Variants in GRIN2B observed in about 807,000 individuals in gnomAD.
GRIN2B encodes the protein glutamate receptor ionotropic, NMDA 2B.
In GRIN2B, 5 loss-of-function variants were observed where a neutral mutation model predicts 114.5. That is an observed-to-expected ratio of 0.04 (90% CI 0.02 to 0.09). The LOEUF (loss-of-function observed/expected upper bound fraction) is 0.09. GRIN2B is among the 10% of genes least tolerant of loss of function. The pLI, the probability that GRIN2B is intolerant of heterozygous loss-of-function variation, is 1.00. For missense variants in GRIN2B, 1,108 were observed against 1,943.5 expected, an observed-to-expected ratio of 0.57 and a Z score of 8.08; for synonymous variants, 787 against 745.1, an observed-to-expected ratio of 1.06 and a Z score of -0.92.
intron 4 of GRIN2B, among the ~76,000 whole-genome samples, chr12:13,718,623 A>G (rs1950480059): frequency 6.6e-6 from 1 of 151,980 alleles, no homozygotes. Context: ...TAAATAAGAG[A>G]AACTATAATG....
chr12:13,652,355 G>A (rs946160791), intron 5 of GRIN2B, among the ~76,000 whole-genome samples: 3 of 151,882 alleles, frequency 2.0e-5, no homozygotes, highest in African/African-American at 7.3e-5. Flanking sequence ...AAGTGTGTTG[G>A]TTAGTTTGGA....
At position 13,573,377 on chromosome 12, in the gene GRIN2B, G is replaced by A. The variant is rs541337117; in HGVS notation, c.2011-1413C>T. On this transcript the variant is annotated intron_variant, in intron 10 of 13. Coordinates refer to ENST00000609686, the MANE Select transcript of GRIN2B (RefSeq NM_000834.5). ...GAGGCAGGAGAATGGCATGAACCCA[G>A]GAGGCAGAGCAGGCAGTGAGCTGAG... 6.0e-5 allele frequency among the ~76,000 whole-genome samples: 9 copies of A among 149,344 alleles called. No individual in the cohort carries two copies. In the South Asian group the frequency reaches 1.9e-3, roughly 31 times the overall value.
chr12:13,753,057 T>C lies in GRIN2B; in HGVS notation c.1010+260A>G, dbSNP rs918174955. 6.6e-6 allele frequency among the ~76,000 whole-genome samples: 1 copy of C among 152,244 alleles called. No individual in the cohort carries two copies. Among genetic ancestry groups the C allele is most frequent in the Non-Finnish European group, 1.5e-5 (1 of 68,040 alleles). ...TTAAAACCTGACTTATAGAGTTATT[T>C]TGAGGATCAAATGAAACCAAACATG... On this transcript the variant is annotated intron_variant, in intron 4 of 13. Coordinates refer to ENST00000609686, the MANE Select transcript of GRIN2B (RefSeq NM_000834.5). The surrounding 1 kb of genome is among the most constrained non-coding windows in gnomAD (Gnocchi z 6.2).
At chr12:13,585,911 G>C (rs1341582615) in intron 10 of GRIN2B, among the ~76,000 whole-genome samples, 1 of 152,234 alleles carries the variant, frequency 6.6e-6, no homozygotes. Context: ...TCGACAGCAA[G>C]ATACGGCAGA....
intron 2 of GRIN2B, among the ~76,000 whole-genome samples, chr12:13,941,787 T>G (rs141680935): frequency 1.5e-3 from 222 of 152,324 alleles, no homozygotes; most frequent in Admixed American, 3.0e-3. Flanking sequence ...GTGCAAACCA[T>G]GGTAGCCGAA....
At chr12:13,711,445 T>A (rs1179154577) in intron 4 of GRIN2B, among the ~76,000 whole-genome samples, 1 of 152,064 alleles carries the variant, frequency 6.6e-6, no homozygotes, top group Non-Finnish European at 1.5e-5. Flanking sequence ...ACAGGCAACC[T>A]ACAGAATGGG....
chr12:13,866,051 G>C lies in GRIN2B; in HGVS notation c.158C>G (p.Ala53Gly), dbSNP rs1428095651. The C allele has an allele frequency of 1.2e-6, 2 of 1,613,940 alleles. No individual in the cohort carries two copies. Among genetic ancestry groups the C allele is most frequent in the South Asian group, 2.2e-5 (2 of 91,066 alleles). The change falls in exon 3 of 14, where the codon GCC becomes GGC. Residue 53 changes from alanine (A) to glycine (G), a missense_variant. Physicochemically the swap from Ala to Gly is moderately conservative, Grantham distance 60 (BLOSUM62 0). Around this residue, in one of 19 missense-constraint regions of GRIN2B, gnomAD observed 199 missense variants for 439.6 expected, o/e 0.45. Coordinates refer to ENST00000609686, the MANE Select transcript of GRIN2B (RefSeq NM_000834.5). ...ATGGTGGAAATCATCTTTCTCGTGG[G>C]CATCCTTGATGGCCACCTCGTCGGA... ...GTSDEVAIKD[A>G]HEKDDFHHLS... is the part of the protein sequence containing the mutation.
intron 5 of GRIN2B, among the ~76,000 whole-genome samples, chr12:13,647,127 C>A (rs1341684311): frequency 6.6e-6 from 1 of 152,036 alleles, no homozygotes; most frequent in East Asian, 1.9e-4. Context: ...TTTTGAGACC[C>A]TGAGTAGAAG....
chr12:13,874,418 G>A (rs1034253259), intron 2 of GRIN2B, among the ~76,000 whole-genome samples: 3 of 152,184 alleles, frequency 2.0e-5, no homozygotes, highest in African/African-American at 4.8e-5. Flanking sequence ...ATAGAAATTT[G>A]TAATACAAAC....
At chr12:13,638,104 C>T (rs1949681465) in intron 5 of GRIN2B, among the ~76,000 whole-genome samples, 2 of 152,098 alleles carry the variant, frequency 1.3e-5, no homozygotes, top group South Asian at 4.1e-4. Context: ...TACTCCTTGA[C>T]CTGAGCCAAA....
intron 2 of GRIN2B, among the ~76,000 whole-genome samples, chr12:13,969,343 T>C (rs117286238): frequency 0.018 from 2,749 of 152,350 alleles, 41 homozygotes; most frequent in Middle Eastern, 0.054. Flanking sequence ...AGCAACTCTA[T>C]ATAATTTAAA....
intron 4 of GRIN2B, among the ~76,000 whole-genome samples, chr12:13,718,329 C>G (rs1306368931): frequency 3.3e-5 from 5 of 152,042 alleles, no homozygotes; most frequent in Admixed American, 3.3e-4. Context: ...AGCATCTCAG[C>G]CTGATCAGTC....
At chr12:13,650,616 A>G (rs898067266) in intron 5 of GRIN2B, among the ~76,000 whole-genome samples, 1 of 152,044 alleles carries the variant, frequency 6.6e-6, no homozygotes, top group Non-Finnish European at 1.5e-5. Context: ...ATGGGGGAAA[A>G]AAGTCCCACC....
intron 2 of GRIN2B, among the ~76,000 whole-genome samples, chr12:13,936,511 T>C (rs912703372): frequency 2.6e-5 from 4 of 152,174 alleles, no homozygotes; most frequent in East Asian, 1.9e-4. Context: ...TTTCCACAGA[T>C]ATGTAATAAC....
At chr12:13,599,610 G>A (rs1028586707) in intron 10 of GRIN2B, among the ~76,000 whole-genome samples, 34 of 152,088 alleles carry the variant, frequency 2.2e-4, no homozygotes, top group Admixed American at 2.2e-3. Flanking sequence ...AGCCCTCCCC[G>A]TACTAAAACA....
chr12:13,755,255 G>A (rs185649232), intron 3 of GRIN2B, among the ~76,000 whole-genome samples: 2 of 152,262 alleles, frequency 1.3e-5, no homozygotes, highest in East Asian at 1.9e-4. Context: ...AGAAATTGCT[G>A]AGCATTTCTT....
intron 3 of GRIN2B, among the ~76,000 whole-genome samples, chr12:13,771,951 C>T (rs1365686766): frequency 6.6e-6 from 1 of 152,264 alleles, no homozygotes; most frequent in East Asian, 1.9e-4. Context: ...CACTCCACCT[C>T]CTCAGGGCCT....
At chr12:13,728,017 G>A (rs1425111755) in intron 4 of GRIN2B, among the ~76,000 whole-genome samples, 1 of 152,212 alleles carries the variant, frequency 6.6e-6, no homozygotes, top group Non-Finnish European at 1.5e-5. Context: ...CTGATCACAT[G>A]TGGTATTTTG....
At chr12:13,686,492 G>A (rs1002405351) in intron 4 of GRIN2B, among the ~76,000 whole-genome samples, 8 of 152,020 alleles carry the variant, frequency 5.3e-5, no homozygotes, top group African/African-American at 1.9e-4. Context: ...TCCCTCTGTA[G>A]GTTGATGTTT....
Sources: gnomAD v4.1 joint callset for allele counts (sites outside exome capture counted in the v4.1 genomes callset) on GRCh38, gnomAD v4.1.1 for gene constraint, gnomAD v4.1.1 regional missense constraint, Gnocchi (gnomAD v3.1) non-coding constraint, MANE v1.5 for transcripts, NCBI Gene and HGNC (gene_info 2026-07-23, HGNC 2026-07-21) for gene names.